Variants in GSTA3 observed in about 807,000 individuals in gnomAD.
The protein encoded by GSTA3 is glutathione S-transferase A3.
A neutral mutation model predicts 23.1 loss-of-function variants in GSTA3; 16 were observed. That is an observed-to-expected ratio of 0.69 (90% CI 0.47 to 1.05). The LOEUF (loss-of-function observed/expected upper bound fraction) is 1.05. Ranked by LOEUF, GSTA3 falls within the 50% of genes least tolerant of loss-of-function variation. The pLI, the probability that GSTA3 is intolerant of heterozygous loss-of-function variation, is 0.00. For synonymous variants in GSTA3, 122 were observed against 91.0 expected (o/e 1.34, Z -1.94); for missense variants, 319 against 263.6 (o/e 1.21, Z -1.46).
intron 6 of GSTA3, 141 bp downstream of exon 6, chr6:52,897,683 TG>T: frequency 2.3e-6 from 2 of 868,426 alleles, no homozygotes; most frequent in South Asian, 1.6e-5. Flanking sequence ...AATTGGGGTC[TG>T]GAAGCTCATT....
intron 1 of GSTA3, among the ~76,000 whole-genome samples, chr6:52,907,202 AGCATTT>A (rs1765919143): frequency 9.2e-6 from 1 of 108,116 alleles, no homozygotes; most frequent in Non-Finnish European, 1.8e-5. Flanking sequence ...AGCCATTAAG[AGCATTT>A]ATGACATGAA....
chr6:52,908,294 G>A (rs950733904), intron 1 of GSTA3, among the ~76,000 whole-genome samples: 2 of 151,916 alleles, frequency 1.3e-5, no homozygotes, highest in Non-Finnish European at 2.9e-5. Flanking sequence ...GGCTGAGGAG[G>A]GAAGATTGCT....
At position 52,897,848 on chromosome 6, in the gene GSTA3, T is replaced by C; in HGVS notation, c.523A>G (p.Ile175Val). The change falls in exon 6 of 7, where the codon ATC (isoleucine) becomes GTC (valine). Residue 175 changes from isoleucine to valine, a missense_variant. Physicochemically the swap from Ile to Val is conservative, Grantham distance 29. Coordinates refer to ENST00000211122, the MANE Select transcript of GSTA3 (RefSeq NM_000847.5). ...ACCTTCAGCAGAGGGAAGTTGGAGA[T>C]AAGGCTGGAGTCAAGCTCTTCCACA... ...YYVEELDSSL[I>V]SNFPLLKALK... 6.2e-7 allele frequency: 1 copy of C among 1,613,704 alleles called. No individual in the cohort carries two copies. Among genetic ancestry groups the C allele is most frequent in the Non-Finnish European group, 8.5e-7 (1 of 1,179,840 alleles).
chr6:52,908,691 C>T (rs1765974673), intron 1 of GSTA3, among the ~76,000 whole-genome samples: 1 of 152,134 alleles, frequency 6.6e-6, no homozygotes, highest in African/African-American at 2.4e-5. Flanking sequence ...TGGATAAGTG[C>T]TTTGGCAGGG....
chr6:52,902,110 G>A (rs1581863425), intron 4 of GSTA3, among the ~76,000 whole-genome samples: 1 of 152,152 alleles, frequency 6.6e-6, no homozygotes. Flanking sequence ...GGAAACCTCT[G>A]TCAGGGTGCT....
chr6:52,897,241 A>G (rs1408621110), intron 6 of GSTA3, among the ~76,000 whole-genome samples: 1 of 152,272 alleles, frequency 6.6e-6, no homozygotes, highest in Non-Finnish European at 1.5e-5. Context: ...TGAGATATCA[A>G]CACAGGTCAG....
At chr6:52,897,367 C>T (rs189655179) in intron 6 of GSTA3, among the ~76,000 whole-genome samples, 6 of 152,350 alleles carry the variant, frequency 3.9e-5, no homozygotes, top group African/African-American at 1.2e-4. Flanking sequence ...GGGTTGGGGG[C>T]AGTGTGTTGG....
intron 6 of GSTA3, among the ~76,000 whole-genome samples, chr6:52,897,249 C>A (rs1453422164): frequency 6.6e-6 from 1 of 152,212 alleles, no homozygotes; most frequent in African/African-American, 2.4e-5. Context: ...CAACACAGGT[C>A]AGTCTCTAAG....
intron 1 of GSTA3, among the ~76,000 whole-genome samples, chr6:52,908,477 T>C (rs1381083546): frequency 1.3e-5 from 2 of 152,174 alleles, no homozygotes; most frequent in East Asian, 3.9e-4. Flanking sequence ...GCCACATCAC[T>C]GCATTCCAGC....
intron 2 of GSTA3, 125 bp downstream of exon 2, chr6:52,905,623 T>G (rs937597613): frequency 3.7e-6 from 2 of 540,132 alleles, no homozygotes; most frequent in Non-Finnish European, 3.3e-6. Context: ...AAAAAATAAC[T>G]GGGGATGCTT....
At chr6:52,899,072 G>A (rs896903717) in intron 5 of GSTA3, among the ~76,000 whole-genome samples, 1 of 152,096 alleles carries the variant, frequency 6.6e-6, no homozygotes, top group African/African-American at 2.4e-5. Flanking sequence ...ATGAGTCAGG[G>A]TAGAGCAGGT....
At chr6:52,899,626 C>A (rs1765598062) in intron 5 of GSTA3, among the ~76,000 whole-genome samples, 2 of 152,224 alleles carry the variant, frequency 1.3e-5, no homozygotes, top group African/African-American at 4.8e-5. Flanking sequence ...GACTCAACAG[C>A]AACCTCTAGT....
intron 1 of GSTA3, among the ~76,000 whole-genome samples, chr6:52,909,137 A>G (rs1239074171): frequency 6.6e-6 from 1 of 152,222 alleles, no homozygotes; most frequent in African/African-American, 2.4e-5. Flanking sequence ...ATTGTCAAGC[A>G]TTGGTGATTG....
intron 2 of GSTA3, 89 bp downstream of exon 2, chr6:52,905,659 G>T: frequency 2.8e-6 from 2 of 712,434 alleles, no homozygotes; most frequent in South Asian, 1.8e-5. Flanking sequence ...ATATTCACAG[G>T]TCATCTAGTA....
Position 52,902,426 on chromosome 6 carries a change from C to T in GSTA3, c.192G>A (p.Lys64=). 6.2e-7 allele frequency: 1 copy of T among 1,613,996 alleles called. No homozygotes were observed. Among genetic ancestry groups the T allele is most frequent in the Non-Finnish European group, 8.5e-7 (1 of 1,179,908 alleles). Residue 64 remains lysine, a synonymous_variant, in exon 4 of 7, where the codon AAG becomes AAA. Coordinates refer to ENST00000211122, the MANE Select transcript of GSTA3 (RefSeq NM_000847.5). The part of the protein sequence containing the change: ...QVPMVEIDGM[K]LVQTRAILNY... The stretch of plus-strand genomic sequence containing the variant: ...TGAGAATGGCTCTGGTCTGTACCAA[C>T]TTCATCCCATCAATCTCAACCATTG...
intron 1 of GSTA3, among the ~76,000 whole-genome samples, chr6:52,906,731 A>C (rs1349449210): frequency 6.6e-6 from 1 of 151,420 alleles, no homozygotes; most frequent in Non-Finnish European, 1.5e-5. Context: ...CCTATTTAAT[A>C]AATGGTGCTG....
At chr6:52,902,214 G>T in intron 4 of GSTA3, 132 bp downstream of exon 4, 3 of 1,032,506 alleles carry the variant, frequency 2.9e-6, no homozygotes, top group Non-Finnish European at 4.4e-6. Flanking sequence ...CTGCAATACT[G>T]GACCTCAGTA....
chr6:52,902,527 C>G (rs2281594), intron 3 of GSTA3, 49 bp from the exon 4 acceptor site: 133,448 of 1,548,140 alleles, frequency 0.086, 15,588 homozygotes, highest in African/African-American at 0.41. Flanking sequence ...ATGAATCCCA[C>G]TATTTCAGGA....
rs574957358 is a variant in GSTA3, at chr6:52,906,316, T to C, written c.-21-461A>G. Among the ~76,000 whole-genome samples, 47 of 152,318 alleles carry C rather than the reference T, an allele frequency of 3.1e-4. No homozygotes were observed. The South Asian group carries it at 3.5e-3, about 11-fold the overall frequency. On this transcript the variant is annotated intron_variant, in intron 1 of 6. Coordinates refer to ENST00000211122, the MANE Select transcript of GSTA3 (RefSeq NM_000847.5). Reference sequence around the variant, plus strand: ...TATGTGCAATTTGCCAACTAGCTAGTTAGTGTCAAAGTCTGGATTAGAACC... The same window carrying C: ...TATGTGCAATTTGCCAACTAGCTAGCTAGTGTCAAAGTCTGGATTAGAACC...
Sources: allele counts gnomAD v4.1 joint callset (sites outside exome capture counted in the v4.1 genomes callset), GRCh38; gene constraint gnomAD v4.1.1; transcripts MANE v1.5; gene names NCBI Gene and HGNC (gene_info 2026-07-23, HGNC 2026-07-21).